The following RPS6KB1 variants were observed in gnomAD, a reference collection of about 807,000 sequenced individuals.
RPS6KB1 encodes the protein ribosomal protein S6 kinase beta-1.
In RPS6KB1, 12 loss-of-function variants were observed where a neutral mutation model predicts 70.2. The observed-to-expected ratio is 0.17, with a 90% CI of 0.11 to 0.28. The LOEUF (loss-of-function observed/expected upper bound fraction) is 0.28. Among genes scored for constraint, RPS6KB1 ranks in the 10% least tolerant of loss-of-function variants. The pLI is 1.00. For synonymous variants in RPS6KB1, 175 were observed against 211.2 expected (o/e 0.83, Z 1.49); for missense variants, 270 against 646.6 (o/e 0.42, Z 6.32).
At chr17:59,943,450 T>C (rs2044731598) in intron 13 of RPS6KB1, among the ~76,000 whole-genome samples, 1 of 152,214 alleles carries the variant, frequency 6.6e-6, no homozygotes, top group Non-Finnish European at 1.5e-5. Flanking sequence ...AAAAGTGAGA[T>C]ATTGAAGCTT....
intron 13 of RPS6KB1, among the ~76,000 whole-genome samples, chr17:59,943,594 AT>A (rs1326401064): frequency 6.6e-6 from 1 of 152,076 alleles, no homozygotes; most frequent in African/African-American, 2.4e-5. Context: ...ATAAAAAAAA[AT>A]AGGTCAGGTG....
chr17:59,914,019 A>T (rs2042800259), intron 3 of RPS6KB1, among the ~76,000 whole-genome samples: 1 of 151,852 alleles, frequency 6.6e-6, no homozygotes, highest in Non-Finnish European at 1.5e-5. Flanking sequence ...GTTATTTTTT[A>T]TTGTTTGTAT....
chr17:59,940,275 C>CTTTTTTTTTTTTTTTTTTTT (rs559026454), intron 12 of RPS6KB1, among the ~76,000 whole-genome samples: 1 of 81,490 alleles, frequency 1.2e-5, no homozygotes. Flanking sequence ...GATATATTCA[C>CTTTTTTTTTTTTTTTTTTTT]TTTTTTTTTT....
intron 4 of RPS6KB1, among the ~76,000 whole-genome samples, chr17:59,915,387 A>C (rs2042882733): frequency 6.6e-6 from 1 of 152,136 alleles, no homozygotes; most frequent in African/African-American, 2.4e-5. Flanking sequence ...GAGTGTGGAA[A>C]AGAGAGCTCT....
intron 4 of RPS6KB1, 101 bp downstream of exon 4, chr17:59,914,804 T>C: frequency 1.0e-6 from 1 of 981,476 alleles, no homozygotes; most frequent in Non-Finnish European, 1.5e-6. Context: ...TTAATTGTTG[T>C]AACATTTTGG....
chr17:59,919,664 C>CT (rs994560967), intron 4 of RPS6KB1, among the ~76,000 whole-genome samples: 361 of 145,570 alleles, frequency 2.5e-3, no homozygotes, highest in East Asian at 2.4e-3. Context: ...TAATCTTTCA[C>CT]TTTTTTTTTT....
chr17:59,928,391 T>G (rs2144938276), intron 5 of RPS6KB1, among the ~76,000 whole-genome samples: 1 of 151,930 alleles, frequency 6.6e-6, no homozygotes, highest in Middle Eastern at 3.4e-3. Flanking sequence ...TTCTTTTCTT[T>G]TTTTTTTGAG....
At chr17:59,936,353 T>A in intron 11 of RPS6KB1, 76 bp downstream of exon 11, 1 of 1,503,902 alleles carries the variant, frequency 6.6e-7, no homozygotes. Context: ...TATATGTAGT[T>A]GCTTATAAGT....
At chr17:59,895,782 A>G (rs953804974) in intron 1 of RPS6KB1, among the ~76,000 whole-genome samples, 3 of 150,168 alleles carry the variant, frequency 2.0e-5, no homozygotes, top group Non-Finnish European at 4.4e-5. Flanking sequence ...ACAGGCGCGC[A>G]CCACCATGCC....
intron 1 of RPS6KB1, among the ~76,000 whole-genome samples, chr17:59,898,378 A>T (rs2041695293): frequency 6.6e-6 from 1 of 152,172 alleles, no homozygotes; most frequent in Admixed American, 6.6e-5. Context: ...ATTCATGATT[A>T]TGAAAAATTA....
intron 3 of RPS6KB1, among the ~76,000 whole-genome samples, chr17:59,914,121 T>C (rs1433270159): frequency 6.6e-6 from 1 of 152,236 alleles, no homozygotes; most frequent in Non-Finnish European, 1.5e-5. Context: ...CAAGTATTAG[T>C]ACAAACTATT....
chr17:59,944,834 TG>T (rs1216802805), intron 13 of RPS6KB1, among the ~76,000 whole-genome samples: 1 of 150,650 alleles, frequency 6.6e-6, no homozygotes, highest in African/African-American at 2.4e-5. Flanking sequence ...AGTCTTACTC[TG>T]TTGCCCAGGC....
chr17:59,897,191 C>CT (rs1415104194), intron 1 of RPS6KB1, among the ~76,000 whole-genome samples: 17 of 152,184 alleles, frequency 1.1e-4, no homozygotes, highest in Non-Finnish European at 2.4e-4. Context: ...TAATGTTCCT[C>CT]TTTGTGGTAT....
intron 4 of RPS6KB1, among the ~76,000 whole-genome samples, chr17:59,918,533 C>T (rs886199861): frequency 6.6e-6 from 1 of 151,920 alleles, no homozygotes; most frequent in African/African-American, 2.4e-5. Context: ...CCACACCTGG[C>T]TAATTTTTGT....
Position 59,893,236 on chromosome 17 carries a change from G to A in RPS6KB1, c.52G>A (p.Asp18Asn), listed in dbSNP as rs756132794. The change falls in exon 1 of 15, where the codon GAC becomes AAC. Residue 18 changes from aspartate (D) to asparagine (N), a missense_variant. By Grantham distance (23) the Asp-to-Asn change is conservative. Transcript: ENST00000225577. This position sits in a 1 kb window ranked among gnomAD's most constrained non-coding sequence, Gnocchi z 4.1. Reference sequence around the variant, plus strand: ...CTTTTACCCAGCCCCGGACTTCCGAGACAGGGAAGCTGAGGACATGGCAGG... The same window carrying A: ...CTTTTACCCAGCCCCGGACTTCCGAAACAGGGAAGCTGAGGACATGGCAGG... ...DGFYPAPDFR[D>N]REAEDMAGVF... 1 of 1,612,810 alleles carries A rather than the reference G, an allele frequency of 6.2e-7. No homozygotes were observed. Among genetic ancestry groups the A allele is most frequent in the East Asian group, 2.2e-5 (1 of 44,840 alleles).
chr17:59,901,934 G>C (rs546219724), intron 1 of RPS6KB1, among the ~76,000 whole-genome samples: 2 of 148,410 alleles, frequency 1.3e-5, no homozygotes, highest in East Asian at 3.9e-4. Flanking sequence ...TTGGAGGATC[G>C]CTTGAGTCTC....
rs1598606041 is a variant in RPS6KB1 at position 59,893,424 on chromosome 17, G to T, written c.141+99G>T. The T allele has an allele frequency of 2.4e-6, 3 of 1,262,026 alleles. No individual in the cohort carries two copies. Among genetic ancestry groups the T allele is most frequent in the Admixed American group, 2.4e-5 (1 of 41,324 alleles). The allele number at this position is 1,262,026 out of a possible 1,614,324, so 78.2% of individuals were successfully genotyped here. The stretch of plus-strand genomic sequence containing the variant: ...GTCCTAGAGCGTGGAGACCCAGGGG[G>T]GCTCCTGAGGAGCTGAGGGTCGCGC... On this transcript the variant is annotated intron_variant, in intron 1 of 14. Transcript: ENST00000225577. This position sits in a 1 kb window ranked among gnomAD's most constrained non-coding sequence, Gnocchi z 4.1.
At chr17:59,928,700 C>A (rs1326245828) in intron 5 of RPS6KB1, among the ~76,000 whole-genome samples, 1 of 152,144 alleles carries the variant, frequency 6.6e-6, no homozygotes, top group Non-Finnish European at 1.5e-5. Context: ...CATAACTATA[C>A]TAAAATGATC....
chr17:59,899,732 C>T (rs2144674782), intron 1 of RPS6KB1, among the ~76,000 whole-genome samples: 1 of 152,230 alleles, frequency 6.6e-6, no homozygotes, highest in African/African-American at 2.4e-5. Context: ...CTTGATACTG[C>T]CCCATCTCTT....
Sources: gnomAD v4.1 joint callset for allele counts (sites outside exome capture counted in the v4.1 genomes callset) on GRCh38, gnomAD v4.1.1 for gene constraint, Gnocchi (gnomAD v3.1) non-coding constraint, MANE v1.5 for transcripts, NCBI Gene and HGNC (gene_info 2026-07-23, HGNC 2026-07-21) for gene names.